Variants in KCNIP4 observed in about 807,000 individuals in gnomAD.
The protein encoded by KCNIP4 is potassium voltage-gated channel interacting protein 4.
A neutral mutation model predicts 34.0 loss-of-function variants in KCNIP4; 12 were observed. The ratio of observed to expected loss-of-function variants is 0.35; its 90% CI spans 0.23 to 0.57. The LOEUF is 0.57. KCNIP4 is among the 20% of genes least tolerant of loss of function. The probability of loss-of-function intolerance (pLI) is 0.83; values close to 1 mark genes in which losing one functional copy is unlikely to be tolerated. For synonymous variants in KCNIP4, 124 were observed against 102.2 expected (o/e 1.21, Z -1.29); for missense variants, 238 against 311.7 (o/e 0.76, Z 1.78).
intron 1 of KCNIP4, among the ~76,000 whole-genome samples, chr4:21,388,393 G>T (rs979283638): frequency 2.6e-5 from 4 of 151,650 alleles, no homozygotes; most frequent in Non-Finnish European, 5.9e-5. Context: ...TCATAATGAG[G>T]CTTTCTTCAA....
intron 1 of KCNIP4, among the ~76,000 whole-genome samples, chr4:21,504,362 G>GCAT (rs1733621472): frequency 6.6e-6 from 1 of 151,626 alleles, no homozygotes; most frequent in Non-Finnish European, 1.5e-5. Context: ...CAGCTACTGG[G>GCAT]GGAGCTGAGG....
chr4:20,804,737 A>AT (rs1220802230), intron 3 of KCNIP4, among the ~76,000 whole-genome samples: 1 of 152,240 alleles, frequency 6.6e-6, no homozygotes, highest in Non-Finnish European at 1.5e-5. Flanking sequence ...AAAAGTAGAA[A>AT]TGTATTTATT....
In KCNIP4 at chr4:21,373,144, A is replaced by G. The variant is rs1306735920; in HGVS notation, c.62-490435T>C. On this transcript the variant is annotated intron_variant, in intron 1 of 8. Coordinates refer to ENST00000382152, the MANE Select transcript of KCNIP4 (RefSeq NM_025221.6). ...TATCTTTAGCCTGAGCAACACAGCA[A>G]GACCTTGTCTCTACAAAAAATGTAA... Among the ~76,000 whole-genome samples, 2 of 146,868 alleles carry G rather than the reference A, an allele frequency of 1.4e-5. 1 individual carries two copies. The highest frequency in any genetic ancestry group is 5.5e-5 in the African/African-American group (2 of 36,548).
At chr4:20,999,761 C>T (rs1473374581) in intron 1 of KCNIP4, among the ~76,000 whole-genome samples, 3 of 151,490 alleles carry the variant, frequency 2.0e-5, no homozygotes, top group Admixed American at 6.6e-5. Context: ...GAAAAGAGTA[C>T]AAGATGATAT....
chr4:20,974,709 G>A (rs1735311576), intron 1 of KCNIP4, among the ~76,000 whole-genome samples: 1 of 152,120 alleles, frequency 6.6e-6, no homozygotes, highest in Admixed American at 6.5e-5. Flanking sequence ...CTACATAGAC[G>A]TGAGGCCCAG....
intron 1 of KCNIP4, among the ~76,000 whole-genome samples, chr4:21,674,422 G>A (rs1749732669): frequency 6.6e-6 from 1 of 152,212 alleles, no homozygotes; most frequent in African/African-American, 2.4e-5. Context: ...AGGTAATAGT[G>A]TATGGCGATT....
At chr4:21,698,566 T>C (rs1243475167) in intron 1 of KCNIP4, among the ~76,000 whole-genome samples, 1 of 152,178 alleles carries the variant, frequency 6.6e-6, no homozygotes, top group Non-Finnish European at 1.5e-5. Context: ...GCTTGCCTTC[T>C]CTGAAAAAGT....
chr4:20,769,038 A>G (rs866658858), intron 3 of KCNIP4, among the ~76,000 whole-genome samples: 22 of 150,602 alleles, frequency 1.5e-4, no homozygotes, highest in Admixed American at 9.9e-4. Flanking sequence ...CCCTCTAACC[A>G]TATGGAAGAA....
intron 1 of KCNIP4, among the ~76,000 whole-genome samples, chr4:21,332,026 C>T (rs567723753): frequency 1.3e-5 from 2 of 152,128 alleles, no homozygotes; most frequent in East Asian, 3.9e-4. Context: ...AGAAAGTCAA[C>T]ATCCAGCAGT....
At chr4:20,930,516 A>G (rs1306872757) in intron 1 of KCNIP4, among the ~76,000 whole-genome samples, 2 of 152,128 alleles carry the variant, frequency 1.3e-5, no homozygotes, top group Admixed American at 1.3e-4. Context: ...AAATGGAACT[A>G]CATCAAACTA....
intron 1 of KCNIP4, among the ~76,000 whole-genome samples, chr4:21,881,697 G>A (rs894508688): frequency 2.0e-5 from 3 of 152,120 alleles, no homozygotes; most frequent in Non-Finnish European, 4.4e-5. Context: ...AACTCACAAT[G>A]TAAATAAAGG....
intron 1 of KCNIP4, among the ~76,000 whole-genome samples, chr4:21,876,408 T>C (rs1488462722): frequency 6.6e-6 from 1 of 152,198 alleles, no homozygotes; most frequent in Non-Finnish European, 1.5e-5. Flanking sequence ...GTAAGTTCAC[T>C]GAACCCTTAA....
At chr4:21,870,129 G>GCGT (rs1725700099) in intron 1 of KCNIP4, among the ~76,000 whole-genome samples, 1 of 152,104 alleles carries the variant, frequency 6.6e-6, no homozygotes, top group African/African-American at 2.4e-5. Context: ...TTGCAACTTA[G>GCGT]CGTCACCTTA....
At chr4:20,968,410 A>T (rs1734591729) in intron 1 of KCNIP4, among the ~76,000 whole-genome samples, 1 of 152,200 alleles carries the variant, frequency 6.6e-6, no homozygotes, top group Non-Finnish European at 1.5e-5. Context: ...CATTTGACCC[A>T]ACGATCCCAT....
intron 1 of KCNIP4, among the ~76,000 whole-genome samples, chr4:21,670,803 C>T (rs1431200385): frequency 6.6e-6 from 1 of 151,978 alleles, no homozygotes; most frequent in Non-Finnish European, 1.5e-5. Context: ...CTACAGGTGC[C>T]TGCAACCACG....
At chr4:21,932,417 T>C (rs1383861284) in intron 1 of KCNIP4, among the ~76,000 whole-genome samples, 2 of 152,122 alleles carry the variant, frequency 1.3e-5, no homozygotes, top group South Asian at 2.1e-4. Flanking sequence ...AAGGAATCAT[T>C]ACCTATGTGA....
At chr4:21,007,645 T>A (rs1738690363) in intron 1 of KCNIP4, among the ~76,000 whole-genome samples, 1 of 152,170 alleles carries the variant, frequency 6.6e-6, no homozygotes, top group Non-Finnish European at 1.5e-5. Context: ...AGAAATGTAA[T>A]CTTTAGGCAA....
At chr4:21,216,425 G>A (rs1406407802) in intron 1 of KCNIP4, among the ~76,000 whole-genome samples, 1 of 152,164 alleles carries the variant, frequency 6.6e-6, no homozygotes, top group Admixed American at 6.5e-5. Context: ...AATGACATGA[G>A]GCTGAGTAAA....
chr4:21,420,160 A>G (rs1257916687), intron 1 of KCNIP4, among the ~76,000 whole-genome samples: 2 of 152,000 alleles, frequency 1.3e-5, no homozygotes, highest in African/African-American at 2.4e-5. Context: ...TGAAAAAAAC[A>G]TATCAAAATA....
Sources: allele counts gnomAD v4.1 joint callset (sites outside exome capture counted in the v4.1 genomes callset), GRCh38; gene constraint gnomAD v4.1.1; transcripts MANE v1.5; gene names NCBI Gene and HGNC (gene_info 2026-07-23, HGNC 2026-07-21).